PAM: variants seen among roughly 807,000 people sequenced by gnomAD.
PAM encodes the protein peptidylglycine alpha-amidating monooxygenase, also known as peptidyl-glycine alpha-amidating monooxygenase.
A neutral mutation model predicts 122.1 loss-of-function variants in PAM; 72 were observed. The ratio of observed to expected loss-of-function variants is 0.59; its 90% CI spans 0.49 to 0.72. The LOEUF is 0.72. Ranked by LOEUF, PAM falls within the 30% of genes least tolerant of loss-of-function variation. The pLI is 0.00. For synonymous variants in PAM, 389 were observed against 404.4 expected (o/e 0.96, Z 0.46); for missense variants, 1,106 against 1,183.7 (o/e 0.93, Z 0.96).
chr5:102,977,368 C>T (rs959035288), intron 15 of PAM, among the ~76,000 whole-genome samples: 2 of 152,142 alleles, frequency 1.3e-5, no homozygotes, highest in Non-Finnish European at 2.9e-5. Context: ...TGACTTAGCC[C>T]AGCTGAGAAA....
intron 10 of PAM, 92 bp downstream of exon 10, chr5:102,949,709 GT>G: frequency 1.3e-6 from 1 of 772,168 alleles, no homozygotes; most frequent in South Asian, 1.5e-5. Flanking sequence ...CCTTAAGTCT[GT>G]TTCAATGAAA....
At chr5:102,765,950 A>G (rs1260343549) in intron 1 of PAM, among the ~76,000 whole-genome samples, 1 of 152,244 alleles carries the variant, frequency 6.6e-6, no homozygotes, top group Non-Finnish European at 1.5e-5. Context: ...ACTGGAAGTT[A>G]AGAATTGAAC....
chr5:102,896,149 T>C (rs1179905523), intron 3 of PAM, among the ~76,000 whole-genome samples: 3 of 151,716 alleles, frequency 2.0e-5, no homozygotes, highest in South Asian at 2.1e-4. Flanking sequence ...AGTGAAAGTA[T>C]GTGAAAGCTC....
chr5:102,869,130 G>T (rs191282772), intron 3 of PAM, among the ~76,000 whole-genome samples: 1 of 152,274 alleles, frequency 6.6e-6, no homozygotes, highest in East Asian at 1.9e-4. Flanking sequence ...ATTCCCAAGA[G>T]CTTCCTACCC....
At chr5:102,825,092 T>C (rs998993414) in intron 1 of PAM, among the ~76,000 whole-genome samples, 5 of 152,186 alleles carry the variant, frequency 3.3e-5, no homozygotes, top group Non-Finnish European at 7.4e-5. Flanking sequence ...CTTTGTAGGC[T>C]CCTGACCTGT....
At chr5:102,834,032 A>G (rs1053994213) in intron 1 of PAM, among the ~76,000 whole-genome samples, 2 of 152,202 alleles carry the variant, frequency 1.3e-5, no homozygotes, top group African/African-American at 2.4e-5. Flanking sequence ...TAAAATTTCA[A>G]TCAAAGATGG....
chr5:103,026,633 A>G (rs1262811874), intron 24 of PAM, among the ~76,000 whole-genome samples: 4 of 152,226 alleles, frequency 2.6e-5, no homozygotes, highest in African/African-American at 7.2e-5. Flanking sequence ...GCAAGAATCC[A>G]TATCTTGAGT....
At chr5:102,851,438 T>C (rs1359814844) in intron 1 of PAM, among the ~76,000 whole-genome samples, 1 of 152,194 alleles carries the variant, frequency 6.6e-6, no homozygotes, top group Non-Finnish European at 1.5e-5. Context: ...AATGTAATAC[T>C]AATAGTGATT....
At chr5:102,878,445 A>G (rs956376294) in intron 3 of PAM, among the ~76,000 whole-genome samples, 8 of 152,094 alleles carry the variant, frequency 5.3e-5, no homozygotes, top group African/African-American at 1.9e-4. Flanking sequence ...TGGCTTATGT[A>G]TTTACTATAC....
rs200316390 is a variant in PAM at position 102,963,836 on chromosome 5, C to CAT, written c.1162+2616_1162+2617dup. On this transcript the variant is annotated intron_variant, in intron 14 of 25. Transcript: ENST00000438793. ...GTGTATATATGCACATACACACATACATATATATATTAAATAAATGCTATT... is the reference window on the plus strand; with the variant it reads ...GTGTATATATGCACATACACACATACATATATATATATTAAATAAATGCTATT... Among the ~76,000 whole-genome samples, 1,097 of 150,476 alleles carry CAT rather than the reference C, an allele frequency of 7.3e-3. 13 individuals are homozygous for CAT. The highest frequency in any genetic ancestry group is 0.024 in the African/African-American group (1,001 of 41,100).
chr5:102,933,060 C>G (rs1752118017), intron 7 of PAM, among the ~76,000 whole-genome samples: 1 of 152,116 alleles, frequency 6.6e-6, no homozygotes, highest in South Asian at 2.1e-4. Context: ...AGCATAAGTA[C>G]ACTTAAAATA....
chr5:102,959,854 A>T, intron 12 of PAM, 21 bp from the exon 13 acceptor site: 1 of 1,571,762 alleles, frequency 6.4e-7, no homozygotes, highest in Non-Finnish European at 8.7e-7. Flanking sequence ...TTGATTTGTT[A>T]TATCTTTTTT....
intron 1 of PAM, among the ~76,000 whole-genome samples, chr5:102,831,048 G>A (rs1415236003): frequency 7.5e-6 from 1 of 133,312 alleles, no homozygotes; most frequent in Non-Finnish European, 1.6e-5. Context: ...GCTTTGTTCA[G>A]TGGGAATTTT....
intron 1 of PAM, among the ~76,000 whole-genome samples, chr5:102,844,195 C>T (rs1212491085): frequency 6.6e-6 from 1 of 152,138 alleles, no homozygotes; most frequent in Non-Finnish European, 1.5e-5. Flanking sequence ...GTGCAAAAAG[C>T]CAATCTCAGA....
chr5:102,786,059 G>T (rs1381566885), intron 1 of PAM, among the ~76,000 whole-genome samples: 3 of 152,140 alleles, frequency 2.0e-5, no homozygotes, highest in Non-Finnish European at 4.4e-5. Context: ...GTAAAGCAAA[G>T]TTTGCATTTT....
intron 15 of PAM, among the ~76,000 whole-genome samples, chr5:102,979,142 C>G (rs917437892): frequency 6.6e-6 from 1 of 151,884 alleles, no homozygotes; most frequent in Non-Finnish European, 1.5e-5. Context: ...TCTCAGGCTA[C>G]AATTGTAATA....
Position 103,007,516 on chromosome 5 carries a change from G to A in PAM, c.2074G>A (p.Val692Met). Residue 692 changes from valine (V) to methionine (M), a missense_variant, in exon 20 of 26, where the codon GTG becomes ATG. Transcript: ENST00000438793. ...QFTVPHSLAL[V>M]PLLGQLCVAD... ...CACTGTTCCTCACAGCTTGGCTCTTGTGCCTCTTTTGGGCCAATTATGTGT... is the reference window on the plus strand; with the variant it reads ...CACTGTTCCTCACAGCTTGGCTCTTATGCCTCTTTTGGGCCAATTATGTGT... 1 of 1,614,042 alleles carries A rather than the reference G, an allele frequency of 6.2e-7. No individual in the cohort carries two copies. The highest frequency in any genetic ancestry group is 2.2e-5 in the East Asian group (1 of 44,858).
intron 1 of PAM, among the ~76,000 whole-genome samples, chr5:102,763,482 T>C (rs776336781): frequency 8.6e-5 from 13 of 151,940 alleles, no homozygotes; most frequent in Non-Finnish European, 1.6e-4. Flanking sequence ...CCTAATAAAA[T>C]TTACACACGA....
intron 3 of PAM, among the ~76,000 whole-genome samples, chr5:102,886,237 G>A (rs1244905851): frequency 6.6e-6 from 1 of 151,922 alleles, no homozygotes; most frequent in Non-Finnish European, 1.5e-5. Context: ...AATTAAGAAT[G>A]ATCTCTTCAT....
Sources: gnomAD v4.1 joint callset for allele counts (sites outside exome capture counted in the v4.1 genomes callset) on GRCh38, gnomAD v4.1.1 for gene constraint, MANE v1.5 for transcripts, NCBI Gene and HGNC (gene_info 2026-07-23, HGNC 2026-07-21) for gene names.